Variants in CHL1 observed in about 807,000 individuals in gnomAD.
The protein encoded by CHL1 is neural cell adhesion molecule L1-like protein.
A neutral mutation model predicts 141.9 loss-of-function variants in CHL1; 96 were observed. That is an observed-to-expected ratio of 0.68 (90% CI 0.57 to 0.80). CHL1 has a LOEUF of 0.80. CHL1 is among the 30% of genes least tolerant of loss of function. CHL1 has a pLI of 0.00. For missense variants in CHL1, 1,820 were observed against 1,457.2 expected, an observed-to-expected ratio of 1.25 and a Z score of -4.05; for synonymous variants, 613 against 502.2, an observed-to-expected ratio of 1.22 and a Z score of -2.95.
chr3:326,175 G>T, intron 4 of CHL1, 111 bp downstream of exon 4: 2 of 595,120 alleles, frequency 3.4e-6, no homozygotes, highest in Admixed American at 3.7e-5. Flanking sequence ...CATGATTAAA[G>T]CTAAGGGTTT....
intron 2 of CHL1, among the ~76,000 whole-genome samples, chr3:278,039 G>A (rs1559371401): frequency 1.3e-5 from 2 of 152,208 alleles, no homozygotes; most frequent in Non-Finnish European, 2.9e-5. Flanking sequence ...GAGCTGGAAG[G>A]AAGTGTGGTT....
chr3:314,329 G>GTATGTA (rs1699996403), intron 2 of CHL1, among the ~76,000 whole-genome samples: 11 of 65,336 alleles, frequency 1.7e-4, no homozygotes, highest in African/African-American at 5.2e-4. Flanking sequence ...CTCTCTATGT[G>GTATGTA]TATATATATA....
chr3:373,150 TA>T (rs2125336545), intron 15 of CHL1, among the ~76,000 whole-genome samples: 1 of 152,324 alleles, frequency 6.6e-6, no homozygotes, highest in East Asian at 1.9e-4. Context: ...TGTGCTTCAC[TA>T]GGGGGAAACC....
At chr3:317,586 C>A (rs1166460571) in intron 2 of CHL1, among the ~76,000 whole-genome samples, 2 of 149,436 alleles carry the variant, frequency 1.3e-5, no homozygotes, top group Non-Finnish European at 3.0e-5. Flanking sequence ...TAAATAATAA[C>A]TAGATTGCAA....
intron 1 of CHL1, among the ~76,000 whole-genome samples, chr3:233,141 A>G (rs1702012595): frequency 6.6e-6 from 1 of 152,142 alleles, no homozygotes; most frequent in South Asian, 2.1e-4. Context: ...ATTTCTTACT[A>G]CAAATCCACG....
At chr3:261,721 A>G (rs17015439) in intron 2 of CHL1, among the ~76,000 whole-genome samples, 1 of 152,102 alleles carries the variant, frequency 6.6e-6, no homozygotes, top group African/African-American at 2.4e-5. Context: ...AGACTTAACA[A>G]CCAGCTCTCA....
Position 298,187 on chromosome 3 carries a change from TA to T in CHL1, c.-94-21490del, listed in dbSNP as rs772073093. On this transcript the variant is annotated intron_variant, in intron 2 of 27. Transcript: ENST00000256509. ...TATAATTTTAGTCCATAAATAGGCA[TA>T]AAAAATGTGTTCTTTCAGAAAACAC... Among the ~76,000 whole-genome samples the T allele has an allele frequency of 5.3e-5, 8 of 152,284 alleles. No individual in the cohort carries two copies. In the South Asian group the frequency reaches 1.5e-3, roughly 28 times the overall value.
intron 2 of CHL1, among the ~76,000 whole-genome samples, chr3:258,934 CTT>C (rs538887029): frequency 7.7e-5 from 10 of 130,532 alleles, no homozygotes; most frequent in African/African-American, 2.3e-4. Context: ...ATGGCAACAT[CTT>C]TTTTTTTTTT....
At chr3:285,195 C>T (rs924965973) in intron 2 of CHL1, among the ~76,000 whole-genome samples, 1 of 152,154 alleles carries the variant, frequency 6.6e-6, no homozygotes, top group Non-Finnish European at 1.5e-5. Context: ...ACTGGAATTG[C>T]AAGTCAAACA....
Position 363,367 on chromosome 3 carries a change from C to T in CHL1, c.1569C>T (p.Ala523=), listed in dbSNP as rs755129975. 1.2e-6 allele frequency: 2 copies of T among 1,610,104 alleles called. No homozygotes were observed. Among genetic ancestry groups the T allele is most frequent in the Non-Finnish European group, 1.7e-6 (2 of 1,178,608 alleles). ...CTATAGGAAAAACTGCAGTCACAGC[C>T]AATTTGGATATTAGAAGTATTTTTA... The part of the protein sequence containing the change: ...ENAIGKTAVT[A]NLDIRNATKL... Residue 523 remains alanine (A), a synonymous_variant, in exon 14 of 28, where the codon GCC becomes GCT. Coordinates refer to ENST00000256509, the MANE Select transcript of CHL1 (RefSeq NM_006614.4).
In CHL1 at chr3:406,964, G is replaced by A. The variant is rs749406588; in HGVS notation, c.*1253G>A. Reference sequence around the variant, plus strand: ...TAGAAATTCCTACACATACGTTTGCGTATATGTTATTTTAAACATCTTTGT... The same window carrying A: ...TAGAAATTCCTACACATACGTTTGCATATATGTTATTTTAAACATCTTTGT... On this transcript the variant is annotated 3_prime_UTR_variant, in exon 28 of 28. Coordinates refer to ENST00000256509, the MANE Select transcript of CHL1 (RefSeq NM_006614.4). 3.9e-5 allele frequency: 6 copies of A among 152,140 alleles called. No homozygotes were observed. Among genetic ancestry groups the A allele is most frequent in the Admixed American group, 1.3e-4 (2 of 15,260 alleles). The allele number at this position is 152,140 out of a possible 1,614,324, so 9.4% of individuals were successfully genotyped here.
chr3:399,280 C>A, intron 26 of CHL1, 132 bp downstream of exon 26: 1 of 671,464 alleles, frequency 1.5e-6, no homozygotes, highest in Non-Finnish European at 2.6e-6. Flanking sequence ...GTACAATGCA[C>A]TGACAGGAAA....
chr3:225,166 T>A (rs963110810), intron 1 of CHL1, among the ~76,000 whole-genome samples: 1 of 152,174 alleles, frequency 6.6e-6, no homozygotes, highest in Non-Finnish European at 1.5e-5. Context: ...GTTAGGTACT[T>A]ACAGACTAGA....
Position 366,004 on chromosome 3 carries a change from T to C in CHL1, c.1640T>C (p.Met547Thr), listed in dbSNP as rs1392767672. 7 of 1,613,592 alleles carry C rather than the reference T, an allele frequency of 4.3e-6. No homozygotes were observed. The Admixed American group carries it at 6.7e-5, about 15-fold the overall frequency. The change falls in exon 15 of 28, where the codon ATG (methionine) becomes ACG (threonine). Residue 547 changes from methionine to threonine, a missense_variant. By Grantham distance (81) the Met-to-Thr change is moderately conservative (BLOSUM62 -1). Coordinates refer to ENST00000256509, the MANE Select transcript of CHL1 (RefSeq NM_006614.4). ...AATCCTCGTATCCCCAAATTGCATA[T>C]GCTTGAATTACATTGTGAAAGCAAA... ...PKNPRIPKLH[M>T]LELHCESKCD...
intron 26 of CHL1, among the ~76,000 whole-genome samples, chr3:400,030 G>A (rs1209902738): frequency 6.6e-6 from 1 of 152,056 alleles, no homozygotes; most frequent in East Asian, 1.9e-4. Context: ...TCCCGAATTT[G>A]TTTTGTCTTT....
At chr3:323,402 A>C (rs1700751605) in intron 3 of CHL1, among the ~76,000 whole-genome samples, 1 of 152,132 alleles carries the variant, frequency 6.6e-6, no homozygotes, top group South Asian at 2.1e-4. Flanking sequence ...TTTGGAAGAC[A>C]CAAAATTCAG....
chr3:256,417 ACAACT>A (rs1389271405), intron 2 of CHL1, among the ~76,000 whole-genome samples: 6 of 152,242 alleles, frequency 3.9e-5, no homozygotes, highest in African/African-American at 1.4e-4. Context: ...CTAGAGTTGT[ACAACT>A]CAGTACCTTT....
At chr3:310,971 G>C (rs144935233) in intron 2 of CHL1, among the ~76,000 whole-genome samples, 162 of 152,160 alleles carry the variant, frequency 1.1e-3, no homozygotes, top group African/African-American at 3.8e-3. Flanking sequence ...CGTGTAGTTA[G>C]AATCAAACAG....
chr3:197,855 CCT>C lies in CHL1; in HGVS notation c.-175+799_-175+800del, dbSNP rs745803069. ...GGATGGTCCCTTCTTCCTCTTTGTGCCTCTCTCTTTCTCTCGCTTTTTTTTTT... is the reference window on the plus strand; with the variant it reads ...GGATGGTCCCTTCTTCCTCTTTGTGCCTCTCTTTCTCTCGCTTTTTTTTTT... On this transcript the variant is annotated intron_variant, in intron 1 of 27. Coordinates refer to ENST00000256509, the MANE Select transcript of CHL1 (RefSeq NM_006614.4). 7 of 442,696 alleles carry C rather than the reference CCT, an allele frequency of 1.6e-5. No individual in the cohort carries two copies. The East Asian group carries it at 2.8e-4, about 18-fold the overall frequency. 27.4% of individuals were successfully genotyped at this position (442,696 alleles called of 1,614,324 possible). A position where few individuals can be genotyped will look rare whatever the true frequency, so the allele number is the denominator to read the frequency against.
Sources: gnomAD v4.1 joint callset for allele counts (sites outside exome capture counted in the v4.1 genomes callset) on GRCh38, gnomAD v4.1.1 for gene constraint, MANE v1.5 for transcripts, NCBI Gene and HGNC (gene_info 2026-07-23, HGNC 2026-07-21) for gene names.